TARBP1: variants seen among roughly 807,000 people sequenced by gnomAD.
TARBP1 encodes tRNA (guanosine(18)-2'-O)-methyltransferase TARBP1.
Under a neutral mutation model 178.6 loss-of-function variants are expected in TARBP1, and 144 were observed. The observed-to-expected ratio is 0.81, with a 90% CI of 0.70 to 0.93. The LOEUF (loss-of-function observed/expected upper bound fraction) is 0.93. TARBP1 is among the 40% of genes least tolerant of loss of function. The probability of loss-of-function intolerance (pLI) is 0.00; values close to 1 mark genes in which losing one functional copy is unlikely to be tolerated. For missense variants in TARBP1, 2,067 were observed against 2,011.7 expected, an observed-to-expected ratio of 1.03 and a Z score of -0.53; for synonymous variants, 787 against 781.0, an observed-to-expected ratio of 1.01 and a Z score of -0.13.
In TARBP1 at chr1:234,478,400, G is replaced by C. The variant is rs1191223878; in HGVS notation, c.704C>G (p.Ala235Gly). The change falls in exon 1 of 30, where the codon GCC becomes GGC. Residue 235 changes from alanine to glycine, a missense_variant. Physicochemically the swap from Ala to Gly is moderately conservative, Grantham distance 60. Transcript: ENST00000040877. ...RVEEKLLVLSALAEKLLPEPG... is the reference protein window; with the variant it reads ...RVEEKLLVLSGLAEKLLPEPG... ...CTCGGGCAACAGCTTCTCGGCCAGG[G>C]CGCTCAGGACCAGCAGCTTCTCCTC... is the stretch of plus-strand genomic sequence containing the variant. 1.5e-6 allele frequency: 2 copies of C among 1,360,000 alleles called. No individual in the cohort carries two copies. Among genetic ancestry groups the C allele is most frequent in the African/African-American group, 3.1e-5 (2 of 65,550 alleles). 84.2% of individuals were successfully genotyped at this position (1,360,000 alleles called of 1,614,324 possible). A position where few individuals can be genotyped will look rare whatever the true frequency, so the allele number is the denominator to read the frequency against.
Position 234,425,735 on chromosome 1 carries a change from C to G in TARBP1, c.3382G>C (p.Asp1128His), listed in dbSNP as rs1663674807. Reference protein sequence around the residue: ...ICAVKFLCLLDGSNMSHKLFI... With the variant: ...ICAVKFLCLLHGSNMSHKLFI... The stretch of plus-strand genomic sequence containing the variant: ...AACTTGTGGGACATATTGGAGCCAT[C>G]TAATAAACACAGGAATTTGACAGCA... Residue 1128 changes from aspartate to histidine, a missense_variant, in exon 20 of 30, where the codon GAT becomes CAT. By Grantham distance (81) the Asp-to-His change is moderately conservative. Transcript: ENST00000040877. 1 of 1,610,426 alleles carries G rather than the reference C, an allele frequency of 6.2e-7. No individual in the cohort carries two copies. Among genetic ancestry groups the G allele is most frequent in the South Asian group, 1.1e-5 (1 of 90,800 alleles).
chr1:234,469,335 T>C (rs1357707341), intron 3 of TARBP1, among the ~76,000 whole-genome samples: 2 of 152,160 alleles, frequency 1.3e-5, no homozygotes, highest in Non-Finnish European at 2.9e-5. Flanking sequence ...TACACCAAGA[T>C]GCTTGTTCAA....
chr1:234,421,626 C>T (rs1216476044), intron 20 of TARBP1, among the ~76,000 whole-genome samples: 1 of 152,232 alleles, frequency 6.6e-6, no homozygotes, highest in Non-Finnish European at 1.5e-5. Flanking sequence ...CTACGCATGA[C>T]GTGTCTCTCG....
chr1:234,464,763 A>C (rs888100281), intron 5 of TARBP1, among the ~76,000 whole-genome samples: 4 of 152,236 alleles, frequency 2.6e-5, no homozygotes, highest in African/African-American at 9.6e-5. Flanking sequence ...ACAGCAAGAC[A>C]CAACTATAAA....
At chr1:234,410,198 A>C (rs1230106954) in intron 23 of TARBP1, among the ~76,000 whole-genome samples, 2 of 152,206 alleles carry the variant, frequency 1.3e-5, no homozygotes. Context: ...TATCAACAAA[A>C]ACTTACCCAG....
At chr1:234,464,211 T>TG (rs1488421383) in intron 5 of TARBP1, among the ~76,000 whole-genome samples, 5 of 152,228 alleles carry the variant, frequency 3.3e-5, no homozygotes, top group African/African-American at 9.6e-5. Context: ...ATATGAATCT[T>TG]GCTAAACAGT....
In TARBP1 at chr1:234,429,626, T is replaced by C; in HGVS notation, c.2661A>G (p.Gln887=). The change falls in exon 16 of 30, where the codon CAA becomes CAG. Residue 887 remains glutamine, a synonymous_variant. Transcript: ENST00000040877. ...SSQGWGKIVA[Q]YIHDQWVCLS... ...GGCACACCCATTGATCATGAATATA[T>C]TGTGCAACTATTTTTCCCCATCCTT... is the stretch of plus-strand genomic sequence containing the variant. The C allele has an allele frequency of 1.2e-6, 2 of 1,612,334 alleles. No individual in the cohort carries two copies. The highest frequency in any genetic ancestry group is 1.7e-6 in the Non-Finnish European group (2 of 1,179,428).
intron 25 of TARBP1, among the ~76,000 whole-genome samples, chr1:234,400,070 C>A (rs906274740): frequency 2.4e-5 from 3 of 123,682 alleles, no homozygotes; most frequent in Non-Finnish European, 1.8e-5. Context: ...AAAACAAATA[C>A]ATGAAGAGAT....
intron 22 of TARBP1, among the ~76,000 whole-genome samples, chr1:234,412,901 T>C (rs776487184): frequency 6.6e-6 from 1 of 151,848 alleles, no homozygotes; most frequent in Non-Finnish European, 1.5e-5. Flanking sequence ...GCAGGGATGG[T>C]CATGTGATTT....
At chr1:234,462,582 G>A (rs973001936) in intron 6 of TARBP1, among the ~76,000 whole-genome samples, 25 of 151,802 alleles carry the variant, frequency 1.6e-4, no homozygotes, top group Non-Finnish European at 2.8e-4. Context: ...CCAGCTACTC[G>A]GGAGGCTGAG....
In TARBP1 at chr1:234,394,697, A is replaced by T. The variant is rs530896991; in HGVS notation, c.4244-860T>A. Among the ~76,000 whole-genome samples, 15 of 152,382 alleles carry T rather than the reference A, an allele frequency of 9.8e-5. No homozygotes were observed. The East Asian group carries it at 2.7e-3, about 27-fold the overall frequency. ...TGCACATGCATGGGATGTAGAAGCA[A>T]CATGGTTCAGACAGCAGCAAGTACC... On this transcript the variant is annotated intron_variant, in intron 26 of 29. Coordinates refer to ENST00000040877, the MANE Select transcript of TARBP1 (RefSeq NM_005646.4).
intron 22 of TARBP1, among the ~76,000 whole-genome samples, chr1:234,413,819 C>T (rs933340585): frequency 2.6e-5 from 4 of 152,216 alleles, no homozygotes; most frequent in African/African-American, 9.6e-5. Context: ...ACAGTAGCGT[C>T]GACTGAGATA....
intron 9 of TARBP1, among the ~76,000 whole-genome samples, chr1:234,457,054 G>C (rs1027864683): frequency 1.3e-5 from 2 of 152,182 alleles, no homozygotes; most frequent in Non-Finnish European, 2.9e-5. Context: ...GAGGGAGGAG[G>C]CTGGCCCTGA....
At chr1:234,463,806 AT>A in intron 6 of TARBP1, 30 bp downstream of exon 6, 1 of 1,342,554 alleles carries the variant, frequency 7.4e-7, no homozygotes, top group Non-Finnish European at 1.0e-6. Context: ...AAGCTAAAGC[AT>A]TTTTAAAAAA....
At chr1:234,406,930 A>G (rs981904939) in intron 23 of TARBP1, 1 of 152,232 alleles carries the variant, frequency 6.6e-6, no homozygotes, top group African/African-American at 2.4e-5. Flanking sequence ...GTTTCTACTG[A>G]CCAATTCAAA....
chr1:234,420,936 A>C, intron 20 of TARBP1, 124 bp from the exon 21 acceptor site: 1 of 510,170 alleles, frequency 2.0e-6, no homozygotes, highest in Non-Finnish European at 3.5e-6. Context: ...TTCTTCCCCC[A>C]AAAAGCAGTT....
chr1:234,392,343 A>G, intron 29 of TARBP1, 73 bp downstream of exon 29: 1 of 1,562,000 alleles, frequency 6.4e-7, no homozygotes, highest in Non-Finnish European at 8.6e-7. Flanking sequence ...CTCAAAAACA[A>G]AAAAAAACAA....
intron 3 of TARBP1, among the ~76,000 whole-genome samples, chr1:234,468,834 G>A (rs1229757223): frequency 6.6e-6 from 1 of 151,692 alleles, no homozygotes; most frequent in African/African-American, 2.4e-5. Flanking sequence ...TGCCTTCTCA[G>A]CCTGGACTCT....
At chr1:234,420,354 C>T (rs747043574) in intron 21 of TARBP1, among the ~76,000 whole-genome samples, 18 of 152,202 alleles carry the variant, frequency 1.2e-4, no homozygotes, top group Non-Finnish European at 2.2e-4. Flanking sequence ...CAGTGTAACA[C>T]TCCAAAATAA....
Sources: allele counts gnomAD v4.1 joint callset (sites outside exome capture counted in the v4.1 genomes callset), GRCh38; gene constraint gnomAD v4.1.1; transcripts MANE v1.5; gene names NCBI Gene and HGNC (gene_info 2026-07-23, HGNC 2026-07-21).